DGKH: variants seen among roughly 807,000 people sequenced by gnomAD.
The protein encoded by DGKH is diacylglycerol kinase eta.
Under a neutral mutation model 159.3 loss-of-function variants are expected in DGKH, and 90 were observed. The ratio of observed to expected loss-of-function variants is 0.57; its 90% CI spans 0.48 to 0.67. The LOEUF is 0.67. DGKH is among the 30% of genes least tolerant of loss of function. DGKH has a pLI of 0.00. For synonymous variants in DGKH, 536 were observed against 553.8 expected (o/e 0.97, Z 0.45); for missense variants, 1,181 against 1,506.1 (o/e 0.78, Z 3.57).
intron 3 of DGKH, among the ~76,000 whole-genome samples, chr13:42,142,505 A>T (rs1453596656): frequency 1.3e-5 from 2 of 151,144 alleles, no homozygotes; most frequent in Non-Finnish European, 3.0e-5. Flanking sequence ...CATTTTCATG[A>T]TATTGATTCT....
chr13:42,196,626 G>C (rs1200691002), intron 17 of DGKH, among the ~76,000 whole-genome samples: 5 of 152,182 alleles, frequency 3.3e-5, no homozygotes, highest in Admixed American at 3.3e-4. Flanking sequence ...GAGGTGAGGT[G>C]ATCGACGGAA....
intron 3 of DGKH, among the ~76,000 whole-genome samples, chr13:42,130,851 A>G (rs1955275236): frequency 6.6e-6 from 1 of 152,084 alleles, no homozygotes; most frequent in South Asian, 2.1e-4. Flanking sequence ...AGAAGAGGAA[A>G]GCCAAGAATA....
chr13:42,221,250 C>T lies in DGKH; in HGVS notation c.3443-14C>T. ...ATGTAGAAATTAAGGGGGTTTTGCT[C>T]TTAACTTTGGTAGTTCAGAAATGGG... On this transcript the variant is annotated splice_polypyrimidine_tract_variant and intron_variant, in intron 28 of 29. Coordinates refer to ENST00000337343, the MANE Select transcript of DGKH (RefSeq NM_178009.5). The T allele has an allele frequency of 6.2e-7, 1 of 1,612,596 alleles. No homozygotes were observed.
At chr13:42,050,819 T>TG (rs1881225213) in intron 1 of DGKH, among the ~76,000 whole-genome samples, 1 of 150,788 alleles carries the variant, frequency 6.6e-6, no homozygotes. Flanking sequence ...ATCTTGCCAT[T>TG]GCACTCCAAC....
intron 29 of DGKH, among the ~76,000 whole-genome samples, chr13:42,251,101 G>C (rs2138338997): frequency 6.6e-6 from 1 of 152,174 alleles, no homozygotes; most frequent in East Asian, 1.9e-4. Context: ...AGAATAAAAT[G>C]GGTAAAAATA....
At chr13:42,191,992 C>A (rs931182030) in intron 16 of DGKH, among the ~76,000 whole-genome samples, 29 of 152,066 alleles carry the variant, frequency 1.9e-4, no homozygotes, top group African/African-American at 6.3e-4. Context: ...AATAATCTAC[C>A]TACTTCATTG....
rs1033690270 is a variant in DGKH at position 42,238,748 on chromosome 13, A to G, written c.*9560A>G. On this transcript the variant is annotated 3_prime_UTR_variant, in exon 30 of 30. Coordinates refer to ENST00000337343, the MANE Select transcript of DGKH (RefSeq NM_178009.5). ...ATTAATTAATGGAACTCTGGGTATGATTAAGGGAATTAAATTAGAAAGTAG... is the reference window on the plus strand; with the variant it reads ...ATTAATTAATGGAACTCTGGGTATGGTTAAGGGAATTAAATTAGAAAGTAG... 2.6e-5 allele frequency: 4 copies of G among 152,178 alleles called. No homozygotes were observed. Among genetic ancestry groups the G allele is most frequent in the Admixed American group, 6.5e-5 (1 of 15,276 alleles). 9.4% of individuals were successfully genotyped at this position (152,178 alleles called of 1,614,324 possible).
chr13:42,090,689 G>A (rs1954400283), intron 1 of DGKH, among the ~76,000 whole-genome samples: 1 of 152,184 alleles, frequency 6.6e-6, no homozygotes, highest in African/African-American at 2.4e-5. Flanking sequence ...CTAGATATCT[G>A]TATTGCAAAA....
intron 1 of DGKH, chr13:42,066,419 T>G (rs995910904): frequency 6.6e-6 from 1 of 152,190 alleles, no homozygotes; most frequent in African/African-American, 2.4e-5. Flanking sequence ...CAGGGAATCT[T>G]TACTGCAATT....
chr13:42,069,322 A>G (rs906326084), intron 1 of DGKH: 35 of 1,210,868 alleles, frequency 2.9e-5, no homozygotes, highest in Non-Finnish European at 3.8e-5. Flanking sequence ...TCCCAAGAAG[A>G]TGGGTACAAA....
chr13:42,155,455 C>T (rs1432927985), intron 4 of DGKH, 60 bp downstream of exon 4: 5 of 1,534,654 alleles, frequency 3.3e-6, no homozygotes, highest in African/African-American at 1.4e-5. Context: ...AACCAAAGGG[C>T]TAGAGCTCTA....
chr13:42,248,821 A>G (rs543072135), intron 29 of DGKH, among the ~76,000 whole-genome samples: 35 of 152,164 alleles, frequency 2.3e-4, no homozygotes, highest in African/African-American at 7.7e-4. Flanking sequence ...GCAACAGGCT[A>G]TATCATATAG....
Position 42,209,356 on chromosome 13 carries a change from T to A in DGKH, c.2741T>A (p.Phe914Tyr). The A allele has an allele frequency of 1.2e-6, 2 of 1,613,300 alleles. No homozygotes were observed. Among genetic ancestry groups the A allele is most frequent in the Non-Finnish European group, 1.7e-6 (2 of 1,179,720 alleles). ...AQCRTVKITI[F>Y]GDEGVPVQVD... is the part of the protein sequence containing the mutation. The stretch of plus-strand genomic sequence containing the variant: ...TGCCGTACAGTGAAAATCACTATAT[T>A]TGGTGACGAAGGAGTCCCAGTGCAA... Residue 914 changes from phenylalanine (F) to tyrosine (Y), a missense_variant, in exon 23 of 30, where the codon TTT becomes TAT. By Grantham distance (22) the Phe-to-Tyr change is conservative. Coordinates refer to ENST00000337343, the MANE Select transcript of DGKH (RefSeq NM_178009.5).
In DGKH at chr13:42,156,099, A is replaced by G. The variant is rs117817993; in HGVS notation, c.622+300A>G. On this transcript the variant is annotated intron_variant, in intron 5 of 29. Transcript: ENST00000337343. ...GAGCAAAACTTTTTGTGAGGACAGT[A>G]TATACTCTTTGGCAGAATTTCTGAT... is the stretch of plus-strand genomic sequence containing the variant. 3.6e-3 allele frequency among the ~76,000 whole-genome samples: 543 copies of G among 152,278 alleles called. 8 individuals carry two copies. The East Asian group carries it at 0.047, about 13-fold the overall frequency.
intron 13 of DGKH, among the ~76,000 whole-genome samples, chr13:42,186,295 T>C (rs1453246348): frequency 2.0e-5 from 3 of 152,196 alleles, no homozygotes; most frequent in Non-Finnish European, 4.4e-5. Flanking sequence ...ACCATTCTGT[T>C]GATTGTTGTT....
At chr13:42,190,670 T>C (rs1045894633) in intron 16 of DGKH, 145 bp downstream of exon 16, 10 of 724,384 alleles carry the variant, frequency 1.4e-5, no homozygotes, top group Non-Finnish European at 2.1e-5. Context: ...TAGATAAATA[T>C]TCATGAATAA....
intron 1 of DGKH, among the ~76,000 whole-genome samples, chr13:42,091,144 T>C (rs552956801): frequency 2.6e-5 from 4 of 152,284 alleles, no homozygotes; most frequent in African/African-American, 9.6e-5. Context: ...GCAAAAATTA[T>C]CTCAAAAGTG....
chr13:42,177,211 C>T (rs1956626913), intron 12 of DGKH, among the ~76,000 whole-genome samples: 1 of 152,106 alleles, frequency 6.6e-6, no homozygotes, highest in Non-Finnish European at 1.5e-5. Flanking sequence ...CCTCCTACCC[C>T]AATAATCACT....
intron 3 of DGKH, chr13:42,153,719 G>A (rs1400404973): frequency 6.6e-6 from 1 of 152,220 alleles, no homozygotes; most frequent in African/African-American, 2.4e-5. Flanking sequence ...GTAATGAGAG[G>A]CATTGTTCTT....
Sources: allele counts gnomAD v4.1 joint callset (sites outside exome capture counted in the v4.1 genomes callset), GRCh38; gene constraint gnomAD v4.1.1; transcripts MANE v1.5; gene names NCBI Gene and HGNC (gene_info 2026-07-23, HGNC 2026-07-21).